Variants in KIAA1958 observed in about 807,000 individuals in gnomAD.
KIAA1958 encodes uncharacterized protein KIAA1958.
KIAA1958 carries 14 observed loss-of-function variants against 47.2 expected under a neutral mutation model. The ratio of observed to expected loss-of-function variants is 0.30; its 90% confidence interval spans 0.20 to 0.46. The LOEUF is 0.46. Among genes scored for constraint, KIAA1958 ranks in the 20% least tolerant of loss-of-function variants. The pLI is 1.00. For missense variants in KIAA1958, 803 were observed against 909.2 expected, an observed-to-expected ratio of 0.88 and a Z score of 1.50; for synonymous variants, 354 against 353.3, an observed-to-expected ratio of 1.00 and a Z score of -0.02.
chr9:112,497,025 A>T (rs965982017), intron 1 of KIAA1958, among the ~76,000 whole-genome samples: 17 of 151,974 alleles, frequency 1.1e-4, no homozygotes, highest in African/African-American at 1.2e-4. Flanking sequence ...TTATCCTCCC[A>T]TCTCTGGGTG....
intron 1 of KIAA1958, among the ~76,000 whole-genome samples, chr9:112,543,811 GATCCA>G (rs1419065886): frequency 2.6e-5 from 4 of 152,032 alleles, no homozygotes; most frequent in Non-Finnish European, 4.4e-5. Context: ...GACCTCAGAT[GATCCA>G]CCCGCCTCGG....
chr9:112,504,775 T>A (rs541378268), intron 1 of KIAA1958, among the ~76,000 whole-genome samples: 103 of 152,256 alleles, frequency 6.8e-4, no homozygotes, highest in African/African-American at 2.4e-3. Flanking sequence ...TGAAGTTTTT[T>A]ATGTATGTAT....
intron 2 of KIAA1958, among the ~76,000 whole-genome samples, chr9:112,585,986 A>T (rs1212785726): frequency 6.6e-6 from 1 of 152,236 alleles, no homozygotes; most frequent in Non-Finnish European, 1.5e-5. Context: ...CTTTGGATAC[A>T]GCAACAGAGA....
At chr9:112,534,311 G>T (rs1834815117) in intron 1 of KIAA1958, among the ~76,000 whole-genome samples, 1 of 152,234 alleles carries the variant, frequency 6.6e-6, no homozygotes, top group East Asian at 1.9e-4. Context: ...AACAGTGGAT[G>T]AGATGGCCTT....
At chr9:112,531,253 T>C (rs1834747269) in intron 1 of KIAA1958, among the ~76,000 whole-genome samples, 1 of 152,104 alleles carries the variant, frequency 6.6e-6, no homozygotes, top group Non-Finnish European at 1.5e-5. Flanking sequence ...CCAGGCGTGG[T>C]GGCGCATGCC....
intron 2 of KIAA1958, among the ~76,000 whole-genome samples, chr9:112,590,346 CCTT>C (rs1347388458): frequency 3.7e-4 from 56 of 151,306 alleles, no homozygotes; most frequent in African/African-American, 1.4e-3. Flanking sequence ...CTCCAGACAC[CCTT>C]CTTTTTTTTT....
chr9:112,578,455 G>T (rs1196077129), intron 2 of KIAA1958, among the ~76,000 whole-genome samples: 1 of 152,134 alleles, frequency 6.6e-6, no homozygotes, highest in Non-Finnish European at 1.5e-5. Context: ...GTCTTTATCA[G>T]ATCATTGCAG....
intron 3 of KIAA1958, among the ~76,000 whole-genome samples, chr9:112,652,941 A>G (rs1837087676): frequency 6.6e-6 from 1 of 152,190 alleles, no homozygotes; most frequent in Non-Finnish European, 1.5e-5. Flanking sequence ...ACATAGTGCC[A>G]ATCATGTATT....
chr9:112,619,519 T>A (rs537056701), intron 2 of KIAA1958, among the ~76,000 whole-genome samples: 16 of 152,306 alleles, frequency 1.1e-4, no homozygotes, highest in African/African-American at 3.9e-4. Flanking sequence ...TTACAATGTA[T>A]GAGAATCTAG....
intron 2 of KIAA1958, among the ~76,000 whole-genome samples, chr9:112,606,169 G>C (rs2131204740): frequency 6.6e-6 from 1 of 152,288 alleles, no homozygotes; most frequent in African/African-American, 2.4e-5. Flanking sequence ...CAGGTTTCAG[G>C]CTTCAGCACC....
In KIAA1958 at chr9:112,664,945, T is replaced by C. The variant is rs1190106685; in HGVS notation, c.*4876T>C. On this transcript the variant is annotated 3_prime_UTR_variant, in exon 4 of 4. Coordinates refer to ENST00000337530, the MANE Select transcript of KIAA1958 (RefSeq NM_133465.4). ...CCCATTATTATTATGATTTTGAATA[T>C]TCCTTGTTCATTACAGTCCAGAAAA... 3.9e-5 allele frequency: 6 copies of C among 152,218 alleles called. No individual in the cohort carries two copies. The highest frequency in any genetic ancestry group is 5.9e-5 in the Non-Finnish European group (4 of 68,044). The allele number at this position is 152,218 out of a possible 1,614,324, so 9.4% of individuals were successfully genotyped here.
chr9:112,635,169 G>A (rs1836781614), intron 2 of KIAA1958, among the ~76,000 whole-genome samples: 1 of 151,092 alleles, frequency 6.6e-6, no homozygotes, highest in Admixed American at 6.6e-5. Flanking sequence ...GAATTTACTG[G>A]TGAAACCCAT....
intron 2 of KIAA1958, among the ~76,000 whole-genome samples, chr9:112,627,338 C>T (rs2131225810): frequency 6.6e-6 from 1 of 152,310 alleles, no homozygotes; most frequent in South Asian, 2.1e-4. Flanking sequence ...AATCAAATGA[C>T]TAGCGGTAGA....
rs146892887 is a variant in KIAA1958, at chr9:112,533,758, T to C, written c.-24-40299T>C. On this transcript the variant is annotated intron_variant, in intron 1 of 3. Coordinates refer to ENST00000337530, the MANE Select transcript of KIAA1958 (RefSeq NM_133465.4). ...AGACATTTGTAAAATCATCAGATCT[T>C]GTGAGACTCATTCACTATCATGAGA... Among the ~76,000 whole-genome samples, 1,020 of 152,138 alleles carry C rather than the reference T, an allele frequency of 6.7e-3. 9 individuals are homozygous for C. The highest frequency in any genetic ancestry group is 0.027 in the Middle Eastern group (8 of 294).
chr9:112,571,894 C>CT (rs35308071), intron 1 of KIAA1958, among the ~76,000 whole-genome samples: 3,923 of 141,594 alleles, frequency 0.028, 55 homozygotes, highest in African/African-American at 0.038. Context: ...CAATCTATGT[C>CT]TTTTTTTTTT....
chr9:112,561,026 T>C (rs896962783), intron 1 of KIAA1958, among the ~76,000 whole-genome samples: 4 of 152,068 alleles, frequency 2.6e-5, no homozygotes, highest in African/African-American at 4.8e-5. Context: ...GGTTTTATGC[T>C]CTCTTAGCAC....
At chr9:112,498,500 A>T (rs1834080849) in intron 1 of KIAA1958, among the ~76,000 whole-genome samples, 1 of 152,208 alleles carries the variant, frequency 6.6e-6, no homozygotes. Flanking sequence ...AAAATCCATA[A>T]AATTCACGGC....
chr9:112,522,058 G>T (rs903681513), intron 1 of KIAA1958, among the ~76,000 whole-genome samples: 7 of 151,924 alleles, frequency 4.6e-5, no homozygotes, highest in Non-Finnish European at 8.8e-5. Context: ...TGCAACCTCC[G>T]CCTCCCAGGT....
At chr9:112,572,329 A>G (rs1186302326) in intron 1 of KIAA1958, among the ~76,000 whole-genome samples, 1 of 152,180 alleles carries the variant, frequency 6.6e-6, no homozygotes, top group Non-Finnish European at 1.5e-5. Flanking sequence ...ACATTCATTC[A>G]TTCTTCATTC....
Sources: allele counts gnomAD v4.1 joint callset (sites outside exome capture counted in the v4.1 genomes callset), GRCh38; gene constraint gnomAD v4.1.1; transcripts MANE v1.5; gene names NCBI Gene and HGNC (gene_info 2026-07-23, HGNC 2026-07-21).